The following AIG1 variants were observed in gnomAD, a reference collection of about 807,000 sequenced individuals.
The protein encoded by AIG1 is androgen induced 1.
A neutral mutation model predicts 31.4 loss-of-function variants in AIG1; 23 were observed. That is an observed-to-expected ratio of 0.73 (90% CI 0.53 to 1.04). The LOEUF is 1.04. Ranked by LOEUF, AIG1 falls within the 50% of genes least tolerant of loss-of-function variation. The pLI is 0.00. For missense variants in AIG1, 274 were observed against 295.0 expected (o/e 0.93, Z 0.52); for synonymous variants, 100 against 110.5 (o/e 0.90, Z 0.60).
intron 1 of AIG1, among the ~76,000 whole-genome samples, chr6:143,085,842 G>A (rs938944680): frequency 3.3e-5 from 5 of 152,214 alleles, no homozygotes; most frequent in Non-Finnish European, 5.9e-5. Flanking sequence ...CTGTCCTGAA[G>A]GGAGTTCCTC....
chr6:143,079,779 CTTTTTTTTTTTTT>C (rs78637706), intron 1 of AIG1, among the ~76,000 whole-genome samples: 24 of 106,972 alleles, frequency 2.2e-4, no homozygotes. Context: ...GGATAGATTC[CTTTTTTTTTTTTT>C]TTTTTTTTTG....
intron 2 of AIG1, among the ~76,000 whole-genome samples, chr6:143,155,140 G>GGA (rs1184286947): frequency 6.6e-6 from 1 of 151,770 alleles, no homozygotes; most frequent in Non-Finnish European, 1.5e-5. Flanking sequence ...ATTACAGGCG[G>GGA]GAGCCACTCA....
chr6:143,076,542 G>C (rs551458922), intron 1 of AIG1, among the ~76,000 whole-genome samples: 1 of 152,074 alleles, frequency 6.6e-6, no homozygotes, highest in East Asian at 1.9e-4. Flanking sequence ...TTCTTTAATA[G>C]GTACAGTTTA....
At chr6:143,081,024 ACTAAGTTGGCC>A in intron 1 of AIG1, among the ~76,000 whole-genome samples, 1 of 152,284 alleles carries the variant, frequency 6.6e-6, no homozygotes, top group Admixed American at 6.5e-5. Flanking sequence ...GATGTCTGCA[ACTAAGTTGGCC>A]GTCTCTCAGT....
intron 1 of AIG1, among the ~76,000 whole-genome samples, chr6:143,069,208 G>A (rs1050362101): frequency 1.2e-4 from 18 of 152,000 alleles, no homozygotes; most frequent in Non-Finnish European, 2.6e-4. Flanking sequence ...GTAGAGACGG[G>A]GTTTCGCCAT....
chr6:143,170,815 C>G (rs1787433135), intron 3 of AIG1, among the ~76,000 whole-genome samples: 2 of 151,204 alleles, frequency 1.3e-5, no homozygotes, highest in African/African-American at 4.9e-5. Flanking sequence ...TCTCAGAAAT[C>G]ACCACTAAAG....
intron 5 of AIG1, among the ~76,000 whole-genome samples, chr6:143,336,060 G>T (rs1777466502): frequency 6.6e-6 from 1 of 152,024 alleles, no homozygotes; most frequent in Non-Finnish European, 1.5e-5. Context: ...CACATTAGCT[G>T]CCTGATTCTG....
At chr6:143,113,755 T>A (rs1320588310) in intron 1 of AIG1, among the ~76,000 whole-genome samples, 1 of 152,130 alleles carries the variant, frequency 6.6e-6, no homozygotes, top group Non-Finnish European at 1.5e-5. Context: ...CTTAACCTAG[T>A]CCATGTTTAT....
intron 1 of AIG1, among the ~76,000 whole-genome samples, chr6:143,116,886 C>T (rs761217341): frequency 1.3e-5 from 2 of 151,938 alleles, no homozygotes; most frequent in Non-Finnish European, 2.9e-5. Flanking sequence ...ACCTGGCAAC[C>T]TTCATGCAAT....
intron 4 of AIG1, among the ~76,000 whole-genome samples, chr6:143,309,923 A>C (rs1450565373): frequency 6.6e-6 from 1 of 151,992 alleles, no homozygotes; most frequent in African/African-American, 2.4e-5. Flanking sequence ...CATAATAATG[A>C]AGGGATTAAT....
chr6:143,199,402 A>G (rs966557379), intron 3 of AIG1, among the ~76,000 whole-genome samples: 1 of 152,100 alleles, frequency 6.6e-6, no homozygotes, highest in Non-Finnish European at 1.5e-5. Flanking sequence ...ATCGGGAAAA[A>G]TGTTAGTTGT....
chr6:143,284,016 G>C lies in AIG1; in HGVS notation c.400-94G>C. On this transcript the variant is annotated intron_variant, in intron 3 of 5. Coordinates refer to ENST00000357847, the MANE Select transcript of AIG1 (RefSeq NM_016108.4). The surrounding 1 kb of genome is among the most constrained non-coding windows in gnomAD (Gnocchi z 4.4). ...CTTCTTTCTGCCTGACACTTTCCTA[G>C]GAATTTATAGTGTGCATTCTCCTAC... The C allele has an allele frequency of 1.2e-6, 1 of 820,700 alleles. No individual in the cohort carries two copies. Among genetic ancestry groups the C allele is most frequent in the Admixed American group, 2.6e-5 (1 of 38,482 alleles). The allele number at this position is 820,700 out of a possible 1,614,324, so 50.8% of individuals were successfully genotyped here.
intron 2 of AIG1, among the ~76,000 whole-genome samples, chr6:143,161,612 A>C (rs1000313826): frequency 6.6e-6 from 1 of 151,442 alleles, no homozygotes; most frequent in African/African-American, 2.4e-5. Flanking sequence ...ATGACCAGGA[A>C]TGTAAGGTTG....
chr6:143,082,260 T>C (rs1778328883), intron 1 of AIG1, among the ~76,000 whole-genome samples: 1 of 152,220 alleles, frequency 6.6e-6, no homozygotes, highest in Non-Finnish European at 1.5e-5. Context: ...CCATTATCAC[T>C]GAACACTGCG....
intron 4 of AIG1, among the ~76,000 whole-genome samples, chr6:143,308,513 G>A (rs9496579): frequency 0.07 from 10,646 of 152,192 alleles, 1,029 homozygotes; most frequent in African/African-American, 0.21. Context: ...TCTGATAAGC[G>A]TCACTTCTCT....
chr6:143,248,983 A>T (rs916204927), intron 3 of AIG1, among the ~76,000 whole-genome samples: 1 of 152,166 alleles, frequency 6.6e-6, no homozygotes, highest in African/African-American at 2.4e-5. Context: ...GAAATGACCA[A>T]CCCCCACTTA....
chr6:143,320,878 A>G (rs1776155397), intron 4 of AIG1, among the ~76,000 whole-genome samples: 1 of 149,290 alleles, frequency 6.7e-6, no homozygotes, highest in African/African-American at 2.5e-5. Flanking sequence ...CTGGAGTGCA[A>G]TGGCGCAATC....
In AIG1 at chr6:143,144,343, G is replaced by A. The variant is rs959487055; in HGVS notation, c.297+7353G>A. ...GCTAAGAGTCAGGATAGTGTTGGCT[G>A]AGAATCGATCTGTCCTTCAAAGGTT... On this transcript the variant is annotated intron_variant, in intron 2 of 5. Transcript: ENST00000357847. Among the ~76,000 whole-genome samples the A allele has an allele frequency of 2.6e-5, 4 of 152,200 alleles. No individual in the cohort carries two copies. In the South Asian group the frequency reaches 6.2e-4, roughly 24 times the overall value.
chr6:143,082,670 C>T (rs191078119), intron 1 of AIG1, among the ~76,000 whole-genome samples: 3 of 152,252 alleles, frequency 2.0e-5, no homozygotes, highest in Non-Finnish European at 4.4e-5. Flanking sequence ...GTGAGGCCAA[C>T]GCTTTGCCAC....
Sources: allele counts gnomAD v4.1 joint callset (sites outside exome capture counted in the v4.1 genomes callset), GRCh38; gene constraint gnomAD v4.1.1; non-coding constraint Gnocchi (gnomAD v3.1); transcripts MANE v1.5; gene names NCBI Gene and HGNC (gene_info 2026-07-23, HGNC 2026-07-21).